Variants in DUOXA2 observed in about 807,000 individuals in gnomAD.
DUOXA2 encodes the protein dual oxidase maturation factor 2.
Under a neutral mutation model 27.6 loss-of-function variants are expected in DUOXA2, and 22 were observed. The observed-to-expected ratio is 0.80, with a 90% CI of 0.57 to 1.14. The LOEUF is 1.14. Among genes scored for constraint, DUOXA2 ranks in the 50% most tolerant of loss-of-function variants. The pLI is 0.00. For missense variants in DUOXA2, 481 were observed against 419.9 expected (o/e 1.15, Z -1.27); for synonymous variants, 188 against 184.4 (o/e 1.02, Z -0.16).
rs1459814139 is a variant in DUOXA2 at position 45,118,161 on chromosome 15, T to A, written c.*252T>A. ...TCCGCGCCGGGGTCGCACGTCCTCA[T>A]GAGCTTCGCTGGGCTGGAGACAGCC... On this transcript the variant is annotated 3_prime_UTR_variant, in exon 6 of 6. Transcript: ENST00000323030. 1 of 1,436,774 alleles carries A rather than the reference T, an allele frequency of 7.0e-7. No individual in the cohort carries two copies. The highest frequency in any genetic ancestry group is 9.1e-7 in the Non-Finnish European group (1 of 1,100,522). The allele number at this position is 1,436,774 out of a possible 1,614,324, so 89.0% of individuals were successfully genotyped here.
rs1188536592 is a variant in DUOXA2 at position 45,117,736 on chromosome 15, G to C, written c.790G>C (p.Gly264Arg). Residue 264 changes from glycine to arginine, a missense_variant, in exon 6 of 6, where the codon GGA (glycine) becomes CGA (arginine). Physicochemically the swap from Gly to Arg is moderately radical, Grantham distance 125. Transcript: ENST00000323030. Reference sequence around the variant, plus strand: ...CACAGGCGTCCTGTGCCTCTTCCTCGGAGGGGCCGTGGTGAGTCTCCAGTA... The same window carrying C: ...CACAGGCGTCCTGTGCCTCTTCCTCCGAGGGGCCGTGGTGAGTCTCCAGTA... ...LATGVLCLFL[G>R]GAVVSLQYVR... is the part of the protein sequence containing the mutation. The C allele has an allele frequency of 9.9e-6, 16 of 1,612,912 alleles. No individual in the cohort carries two copies. Among genetic ancestry groups the C allele is most frequent in the Non-Finnish European group, 1.3e-5 (15 of 1,179,080 alleles).
At chr15:45,115,371 T>C in intron 1 of DUOXA2, 1 of 463,072 alleles carries the variant, frequency 2.2e-6, no homozygotes, top group Non-Finnish European at 4.3e-6. Flanking sequence ...CCTAGGAGTA[T>C]CTGCATTCCC....
In DUOXA2 at chr15:45,117,826, G is replaced by C. The variant is rs1324248967; in HGVS notation, c.880G>C (p.Gly294Arg). Reference protein sequence around the residue: ...QSAKDCSQERGGSPLILGDPL... With the variant: ...QSAKDCSQERRGSPLILGDPL... ...CGCCAAGGACTGCAGCCAGGAGAGAGGGGGCTCACCTCTTATCCTCGGCGA... is the reference window on the plus strand; with the variant it reads ...CGCCAAGGACTGCAGCCAGGAGAGACGGGGCTCACCTCTTATCCTCGGCGA... The change falls in exon 6 of 6, where the codon GGG (glycine) becomes CGG (arginine). Residue 294 changes from glycine (G) to arginine (R), a missense_variant. By Grantham distance (125) the Gly-to-Arg change is moderately radical. Coordinates refer to ENST00000323030, the MANE Select transcript of DUOXA2 (RefSeq NM_207581.4). 9 of 1,613,780 alleles carry C rather than the reference G, an allele frequency of 5.6e-6. No individual in the cohort carries two copies. The highest frequency in any genetic ancestry group is 1.7e-5 in the Admixed American group (1 of 60,018).
Position 45,116,154 on chromosome 15 carries a change from G to A in DUOXA2, c.236G>A (p.Gly79Asp), listed in dbSNP as rs1894619773. 1 of 1,614,074 alleles carries A rather than the reference G, an allele frequency of 6.2e-7. No homozygotes were observed. The change falls in exon 3 of 6, where the codon GGT becomes GAT. Residue 79 changes from glycine to aspartate, a missense_variant. Gly to Asp is a moderately conservative substitution (Grantham distance 94). Transcript: ENST00000323030. ...AVHFSAEWFV[G>D]TVNTNTSYKA... ...CACTTCAGTGCAGAATGGTTCGTGG[G>A]TACAGTGAACACCAACACATCCTAC... is the stretch of plus-strand genomic sequence containing the variant.
Position 45,116,672 on chromosome 15 carries a change from C to G in DUOXA2, c.497C>G (p.Pro166Arg). 6.2e-7 allele frequency: 1 copy of G among 1,613,766 alleles called. No homozygotes were observed. The stretch of plus-strand genomic sequence containing the variant: ...GCGGAGAAGTTCACACCGAGTAGCC[C>G]TTGCGGCCTGTACCACCAGTACCAC... ...YLAEKFTPSS[P>R]CGLYHQYHLA... The change falls in exon 4 of 6, where the codon CCT (proline) becomes CGT (arginine). Residue 166 changes from proline to arginine, a missense_variant. Coordinates refer to ENST00000323030, the MANE Select transcript of DUOXA2 (RefSeq NM_207581.4).
chr15:45,117,148 C>T lies in DUOXA2; in HGVS notation c.612C>T (p.Leu204=), dbSNP rs771062994. The change falls in exon 5 of 6, where the codon CTC becomes CTT. Residue 204 remains leucine (L), a synonymous_variant. Transcript: ENST00000323030. ...TGCTGCTCTCCACGCCGGCCCCGCT[C>T]TACGGAGGCCTGGCACTGCTGACCA... ...SNVLLSTPAP[L]YGGLALLTTG... is the part of the protein sequence containing the mutation. The T allele has an allele frequency of 3.1e-6, 5 of 1,602,828 alleles. No individual in the cohort carries two copies. In the Admixed American group the frequency reaches 5.0e-5, roughly 16 times the overall value.
chr15:45,117,977 C>T lies in DUOXA2; in HGVS notation c.*68C>T, dbSNP rs1296728680. ...AGGCCGGGAAGCAGTGCCCGCCAGG[C>T]CTGGGCCAGGAGAGCTCCAGGAAGG... On this transcript the variant is annotated 3_prime_UTR_variant, in exon 6 of 6. Transcript: ENST00000323030. 8 of 1,612,744 alleles carry T rather than the reference C, an allele frequency of 5.0e-6. No individual in the cohort carries two copies. Among genetic ancestry groups the T allele is most frequent in the Non-Finnish European group, 5.9e-6 (7 of 1,179,726 alleles).
At position 45,114,408 on chromosome 15, in the gene DUOXA2, G is replaced by C; in HGVS notation, c.-198G>C. The stretch of plus-strand genomic sequence containing the variant: ...CTCGCCGGCTAGAAAAACTCTGTCG[G>C]TACCAACCCCAGAGCGTTGAGAGCA... On this transcript the variant is annotated 5_prime_UTR_variant, in exon 1 of 6. Coordinates refer to ENST00000323030, the MANE Select transcript of DUOXA2 (RefSeq NM_207581.4). 1.5e-6 allele frequency: 1 copy of C among 662,040 alleles called. No homozygotes were observed. Among genetic ancestry groups the C allele is most frequent in the Non-Finnish European group, 2.6e-6 (1 of 387,448 alleles). The allele number at this position is 662,040 out of a possible 1,614,324, so 41.0% of individuals were successfully genotyped here.
chr15:45,115,626 C>A, intron 1 of DUOXA2, 173 bp from the exon 2 acceptor site: 8 of 816,102 alleles, frequency 9.8e-6, no homozygotes, highest in Non-Finnish European at 1.7e-5. Context: ...AGTGCGTGGT[C>A]ACAAAATATC....
Position 45,115,861 on chromosome 15 carries a change from G to A in DUOXA2, c.205+5G>A. 2 of 1,614,106 alleles carry A rather than the reference G, an allele frequency of 1.2e-6. No individual in the cohort carries two copies. The highest frequency in any genetic ancestry group is 1.7e-6 in the Non-Finnish European group (2 of 1,180,036). ...TCATAGGCGCAGAAATTGTGGGTGA[G>A]TGTGTGGTGCAGCCCATGGGGAGAG... is the stretch of plus-strand genomic sequence containing the variant. On this transcript the variant is annotated splice_donor_5th_base_variant and intron_variant, in intron 2 of 5. Coordinates refer to ENST00000323030, the MANE Select transcript of DUOXA2 (RefSeq NM_207581.4).
chr15:45,117,563 A>C, intron 5 of DUOXA2, 153 bp from the exon 6 acceptor site: 1 of 1,593,492 alleles, frequency 6.3e-7, no homozygotes, highest in Non-Finnish European at 8.6e-7. Flanking sequence ...TAGGCTCCAA[A>C]AGATGGAAGA....
In DUOXA2 at chr15:45,117,243, G is replaced by T; in HGVS notation, c.707G>T (p.Arg236Leu). The T allele has an allele frequency of 1.9e-6, 3 of 1,610,230 alleles. No individual in the cohort carries two copies. The highest frequency in any genetic ancestry group is 1.3e-5 in the African/African-American group (1 of 75,054). The change falls in exon 5 of 6, where the codon CGC (arginine) becomes CTC (leucine). Residue 236 changes from arginine to leucine, a missense_variant. Transcript: ENST00000323030. ...SISSVPLCPL[R>L]LGSSALTTQY... is the part of the protein sequence containing the mutation. ...TCTAGCGTGCCGCTCTGCCCGCTCCGCCTAGGCTCCTCCGCGCTCACCACT... is the reference window on the plus strand; with the variant it reads ...TCTAGCGTGCCGCTCTGCCCGCTCCTCCTAGGCTCCTCCGCGCTCACCACT...
intron 4 of DUOXA2, 152 bp downstream of exon 4, chr15:45,116,881 C>G: frequency 1.8e-6 from 2 of 1,106,412 alleles, no homozygotes; most frequent in Non-Finnish European, 2.6e-6. Context: ...GTTAGAAGAT[C>G]CACGAGATCT....
At chr15:45,116,450 T>C in intron 3 of DUOXA2, 66 bp from the exon 4 acceptor site, 3 of 1,595,536 alleles carry the variant, frequency 1.9e-6, no homozygotes, top group South Asian at 2.2e-5. Flanking sequence ...CACTTTCCTG[T>C]CTGAATCCGC....
chr15:45,117,738 A>G lies in DUOXA2; in HGVS notation c.792A>G (p.Gly264=). The G allele has an allele frequency of 5.6e-6, 9 of 1,612,860 alleles. No homozygotes were observed. The highest frequency in any genetic ancestry group is 7.6e-6 in the Non-Finnish European group (9 of 1,179,064). Residue 264 remains glycine (G), a synonymous_variant, in exon 6 of 6, where the codon GGA becomes GGG. Transcript: ENST00000323030. The stretch of plus-strand genomic sequence containing the variant: ...CAGGCGTCCTGTGCCTCTTCCTCGG[A>G]GGGGCCGTGGTGAGTCTCCAGTATG... The part of the protein sequence containing the change: ...LATGVLCLFL[G]GAVVSLQYVR...
Position 45,114,594 on chromosome 15 carries a change from C to T in DUOXA2, c.-12C>T, listed in dbSNP as rs768635745. ...CTGCCCGCCTGCGTGCAGCACTCGG[C>T]CGGCGTGCAGCATGACCCTGTGGAA... On this transcript the variant is annotated 5_prime_UTR_variant, in exon 1 of 6. Transcript: ENST00000323030. 2.5e-6 allele frequency: 4 copies of T among 1,613,478 alleles called. No homozygotes were observed. The highest frequency in any genetic ancestry group is 4.5e-5 in the East Asian group (2 of 44,872).
chr15:45,114,978 G>A lies in DUOXA2; in HGVS notation c.147+226G>A, dbSNP rs568849376. ...GAGAAGGACCCCAGCTGGGTCCTTG[G>A]GAAGGCTGCTGCAGAGAATGGGCAC... On this transcript the variant is annotated intron_variant, in intron 1 of 5. Transcript: ENST00000323030. Among the ~76,000 whole-genome samples, 14 of 152,318 alleles carry A rather than the reference G, an allele frequency of 9.2e-5. No homozygotes were observed. The South Asian group carries it at 2.3e-3, about 25-fold the overall frequency.
intron 5 of DUOXA2, chr15:45,117,515 T>G (rs1247220664): frequency 6.4e-7 from 1 of 1,554,672 alleles, no homozygotes. Flanking sequence ...TTCATGTAAT[T>G]CAGATTAGAG....
rs753762625 is a variant in DUOXA2, at chr15:45,114,771, T to G, written c.147+19T>G. The G allele has an allele frequency of 7.7e-5, 124 of 1,614,044 alleles. No individual in the cohort carries two copies. The highest frequency in any genetic ancestry group is 1.0e-4 in the Non-Finnish European group (120 of 1,180,036). On this transcript the variant is annotated intron_variant, in intron 1 of 5. Coordinates refer to ENST00000323030, the MANE Select transcript of DUOXA2 (RefSeq NM_207581.4). Reference sequence around the variant, plus strand: ...CCACTCGGTAAGGGTGTCCTCATAGTGCAGGTAGAGTGGGGGAAGGCTCAT... The same window carrying G: ...CCACTCGGTAAGGGTGTCCTCATAGGGCAGGTAGAGTGGGGGAAGGCTCAT...
Sources: gnomAD v4.1 joint callset for allele counts (sites outside exome capture counted in the v4.1 genomes callset) on GRCh38, gnomAD v4.1.1 for gene constraint, MANE v1.5 for transcripts, NCBI Gene and HGNC (gene_info 2026-07-23, HGNC 2026-07-21) for gene names.